The following GABRB1 variants were observed in gnomAD, a reference collection of about 807,000 sequenced individuals.
GABRB1 encodes gamma-aminobutyric acid type A receptor subunit beta1, also known as gamma-aminobutyric acid receptor subunit beta-1.
In GABRB1, 17 loss-of-function variants were observed where a neutral mutation model predicts 51.6. The ratio of observed to expected loss-of-function variants is 0.33; its 90% confidence interval spans 0.23 to 0.49. The LOEUF (loss-of-function observed/expected upper bound fraction) is 0.49. GABRB1 is among the 20% of genes least tolerant of loss of function. GABRB1 has a pLI of 0.99. For synonymous variants in GABRB1, 247 were observed against 218.9 expected, an observed-to-expected ratio of 1.13 and a Z score of -1.14; for missense variants, 410 against 600.6, an observed-to-expected ratio of 0.68 and a Z score of 3.32.
rs544586877 is a variant in GABRB1 at position 47,083,554 on chromosome 4, CA to C, written c.240+51071del. 4.8e-4 allele frequency among the ~76,000 whole-genome samples: 73 copies of C among 152,100 alleles called. No individual in the cohort carries two copies. In the South Asian group the frequency reaches 7.5e-3, roughly 16 times the overall value. On this transcript the variant is annotated intron_variant, in intron 3 of 8. Transcript: ENST00000295454. ...GCATCAAAACCTTTGCATTTAAGAC[CA>C]GGGGTTAGAGACTTGCTTAGGGAAA...
intron 3 of GABRB1, among the ~76,000 whole-genome samples, chr4:47,102,631 T>C (rs1714771348): frequency 6.6e-6 from 1 of 151,516 alleles, no homozygotes; most frequent in South Asian, 2.1e-4. Context: ...AGGGCAAAAA[T>C]CCAGGGATGA....
chr4:47,258,485 A>G (rs1722303595), intron 4 of GABRB1, among the ~76,000 whole-genome samples: 1 of 152,166 alleles, frequency 6.6e-6, no homozygotes, highest in African/African-American at 2.4e-5. Flanking sequence ...AAATCTGGCA[A>G]TGTGGCCACC....
At chr4:47,008,820 T>C (rs1261749326) in intron 1 of GABRB1, among the ~76,000 whole-genome samples, 1 of 141,838 alleles carries the variant, frequency 7.1e-6, no homozygotes, top group Non-Finnish European at 1.5e-5. Context: ...CAGTATTAAC[T>C]GTAGTTCACC....
intron 3 of GABRB1, among the ~76,000 whole-genome samples, chr4:47,089,142 G>C: frequency 6.6e-6 from 1 of 152,130 alleles, no homozygotes; most frequent in East Asian, 1.9e-4. Flanking sequence ...AGGAGATAGG[G>C]GAAAAACCTC....
chr4:47,283,969 G>A (rs1296850941), intron 4 of GABRB1, among the ~76,000 whole-genome samples: 3 of 151,908 alleles, frequency 2.0e-5, no homozygotes, highest in Admixed American at 2.0e-4. Flanking sequence ...GCGGTGGCAG[G>A]TGTCTGTAGT....
At chr4:47,178,698 TAA>T (rs1450138984) in intron 4 of GABRB1, among the ~76,000 whole-genome samples, 2 of 152,124 alleles carry the variant, frequency 1.3e-5, no homozygotes, top group Non-Finnish European at 2.9e-5. Context: ...TTAGAAAAGA[TAA>T]AGAGTCTTTG....
chr4:47,047,005 C>A (rs946045247), intron 3 of GABRB1, among the ~76,000 whole-genome samples: 3 of 151,894 alleles, frequency 2.0e-5, no homozygotes, highest in African/African-American at 7.3e-5. Flanking sequence ...TGGAGGGTGG[C>A]AGGAGGGAGA....
chr4:47,036,196 T>C (rs1419718234), intron 3 of GABRB1, among the ~76,000 whole-genome samples: 1 of 152,232 alleles, frequency 6.6e-6, no homozygotes, highest in Non-Finnish European at 1.5e-5. Flanking sequence ...TAAATAATGC[T>C]TAATGAAAGA....
chr4:47,101,392 GA>G (rs36099069), intron 3 of GABRB1, among the ~76,000 whole-genome samples: 4,937 of 151,842 alleles, frequency 0.033, 375 homozygotes, highest in East Asian at 0.17. Context: ...TTTTAAATAT[GA>G]AAAAAGGACC....
intron 8 of GABRB1, among the ~76,000 whole-genome samples, chr4:47,419,679 G>A (rs1054978611): frequency 1.3e-5 from 2 of 152,218 alleles, no homozygotes; most frequent in African/African-American, 4.8e-5. Flanking sequence ...CTTCATCAGT[G>A]TCTGGAACAG....
At chr4:47,381,972 A>T (rs2110030222) in intron 5 of GABRB1, among the ~76,000 whole-genome samples, 1 of 152,324 alleles carries the variant, frequency 6.6e-6, no homozygotes, top group Non-Finnish European at 1.5e-5. Flanking sequence ...GTAGTGTGTG[A>T]CCACATTTTT....
At position 47,284,700 on chromosome 4, in the gene GABRB1, A is replaced by T. The variant is rs141955951; in HGVS notation, c.462-35427A>T. On this transcript the variant is annotated intron_variant, in intron 4 of 8. Coordinates refer to ENST00000295454, the MANE Select transcript of GABRB1 (RefSeq NM_000812.4). ...CTACAACCAAAGCTAAAGGGCAACC[A>T]TGATTGGTATGTTCTCTTGATTCTT... 2.0e-4 allele frequency among the ~76,000 whole-genome samples: 30 copies of T among 152,348 alleles called. No individual in the cohort carries two copies. The East Asian group carries it at 2.1e-3, about 11-fold the overall frequency.
intron 5 of GABRB1, among the ~76,000 whole-genome samples, chr4:47,361,447 G>A (rs2041799099): frequency 1.3e-5 from 2 of 152,092 alleles, no homozygotes; most frequent in Admixed American, 1.3e-4. Context: ...AGAGTGAGGG[G>A]AGCCTGCAGG....
intron 3 of GABRB1, among the ~76,000 whole-genome samples, chr4:47,131,953 T>C (rs1250712501): frequency 1.3e-5 from 2 of 152,312 alleles, no homozygotes; most frequent in African/African-American, 4.8e-5. Flanking sequence ...CTTTATAATT[T>C]CAATTTGAAA....
intron 4 of GABRB1, among the ~76,000 whole-genome samples, chr4:47,295,344 A>G (rs1169139257): frequency 6.6e-6 from 1 of 152,210 alleles, no homozygotes; most frequent in African/African-American, 2.4e-5. Context: ...AAAGGCAAAG[A>G]AGTTAAAAAC....
intron 5 of GABRB1, among the ~76,000 whole-genome samples, chr4:47,374,038 G>A (rs1257012654): frequency 6.6e-6 from 1 of 152,198 alleles, no homozygotes; most frequent in Non-Finnish European, 1.5e-5. Context: ...TGTCGGGAGT[G>A]AGGGAAAGAC....
intron 5 of GABRB1, among the ~76,000 whole-genome samples, chr4:47,381,950 T>TC (rs1578135954): frequency 6.6e-6 from 1 of 152,122 alleles, no homozygotes; most frequent in African/African-American, 2.4e-5. Context: ...CCCTGTATCC[T>TC]CCCCCCTCCA....
intron 3 of GABRB1, among the ~76,000 whole-genome samples, chr4:47,043,796 G>A (rs1253866458): frequency 6.6e-6 from 1 of 152,078 alleles, no homozygotes; most frequent in Non-Finnish European, 1.5e-5. Context: ...TCCTTGAAAT[G>A]TCATTATTAG....
chr4:47,283,442 G>A (rs945337424), intron 4 of GABRB1, among the ~76,000 whole-genome samples: 1 of 118,036 alleles, frequency 8.5e-6, no homozygotes, highest in Non-Finnish European at 1.6e-5. Flanking sequence ...CTGGAATGCA[G>A]CCACACGATC....
Sources: allele counts gnomAD v4.1 joint callset (sites outside exome capture counted in the v4.1 genomes callset), GRCh38; gene constraint gnomAD v4.1.1; transcripts MANE v1.5; gene names NCBI Gene and HGNC (gene_info 2026-07-23, HGNC 2026-07-21).